CHST10: variants seen among roughly 807,000 people sequenced by gnomAD.
CHST10 encodes carbohydrate sulfotransferase 10, also known as HNK-1 sulfotransferase.
Under a neutral mutation model 34.7 loss-of-function variants are expected in CHST10, and 24 were observed. The observed-to-expected ratio is 0.69, with a 90% confidence interval of 0.50 to 0.97. The LOEUF (loss-of-function observed/expected upper bound fraction) is 0.97, where lower values mean the gene tolerates loss of function less well. Ranked by LOEUF, CHST10 falls within the 50% of genes least tolerant of loss-of-function variation. The pLI is 0.00. For missense variants in CHST10, 402 were observed against 452.1 expected, an observed-to-expected ratio of 0.89 and a Z score of 1.00; for synonymous variants, 161 against 169.3, an observed-to-expected ratio of 0.95 and a Z score of 0.38.
chr2:100,409,110 A>G (rs548426780), intron 2 of CHST10, among the ~76,000 whole-genome samples: 2 of 152,224 alleles, frequency 1.3e-5, no homozygotes, highest in African/African-American at 4.8e-5. Flanking sequence ...TGGCGGGAGG[A>G]CCTGGGAACT....
chr2:100,396,726 AC>A (rs1675076130), intron 5 of CHST10, among the ~76,000 whole-genome samples: 1 of 152,162 alleles, frequency 6.6e-6, no homozygotes, highest in African/African-American at 2.4e-5. Flanking sequence ...ACTAGTGGTT[AC>A]CGAAGATAGC....
chr2:100,404,168 G>A lies in CHST10; in HGVS notation c.101-1513C>T, dbSNP rs188042535. On this transcript the variant is annotated intron_variant, in intron 3 of 6. Coordinates refer to ENST00000264249, the MANE Select transcript of CHST10 (RefSeq NM_004854.5). ...ATTAGGTAACATCTCACGCGAGTGA[G>A]GCAGGCTGGGTAGTGCTGTGGTGGT... Among the ~76,000 whole-genome samples the A allele has an allele frequency of 5.3e-4, 81 of 152,334 alleles. 1 individual carries two copies. The highest frequency in any genetic ancestry group is 4.2e-3 in the Admixed American group (65 of 15,308).
intron 4 of CHST10, among the ~76,000 whole-genome samples, 158 bp downstream of exon 4, chr2:100,402,406 T>A (rs961906376): frequency 6.6e-6 from 1 of 151,990 alleles, no homozygotes. Flanking sequence ...CTCTCCCAAA[T>A]GGAAATTAAC....
chr2:100,411,315 T>A (rs368639390), intron 2 of CHST10, among the ~76,000 whole-genome samples: 5 of 152,126 alleles, frequency 3.3e-5, no homozygotes, highest in Non-Finnish European at 7.4e-5. Flanking sequence ...TTTCACCATG[T>A]TGGCCAGGCT....
chr2:100,400,677 C>T (rs1479633903), intron 4 of CHST10, among the ~76,000 whole-genome samples: 1 of 152,166 alleles, frequency 6.6e-6, no homozygotes, highest in African/African-American at 2.4e-5. Flanking sequence ...ACACCATGCA[C>T]AAAGTAAACT....
chr2:100,406,136 C>T (rs771275939), intron 3 of CHST10, among the ~76,000 whole-genome samples: 12 of 152,286 alleles, frequency 7.9e-5, no homozygotes, highest in Middle Eastern at 3.4e-3. Flanking sequence ...GACCCTCCTC[C>T]GCTGCATGGA....
At chr2:100,414,964 C>T (rs1676006022) in intron 2 of CHST10, 77 bp downstream of exon 2, 4 of 1,019,292 alleles carry the variant, frequency 3.9e-6, no homozygotes, top group Non-Finnish European at 5.3e-6. Context: ...ACAATCTGCA[C>T]AGGCAAGAAA....
intron 3 of CHST10, 46 bp from the exon 4 acceptor site, chr2:100,402,701 C>T (rs1350469909): frequency 1.3e-5 from 20 of 1,538,088 alleles, no homozygotes; most frequent in Non-Finnish European, 1.5e-5. Context: ...GGAAAAGGCA[C>T]ACAGGTGGAT....
chr2:100,396,846 T>C (rs1675080294), intron 5 of CHST10, among the ~76,000 whole-genome samples: 1 of 152,252 alleles, frequency 6.6e-6, no homozygotes, highest in Non-Finnish European at 1.5e-5. Flanking sequence ...CTTCACACTG[T>C]GGTGGCTGAT....
chr2:100,402,945 A>G (rs1036306817), intron 3 of CHST10, among the ~76,000 whole-genome samples: 3 of 151,866 alleles, frequency 2.0e-5, no homozygotes, highest in Non-Finnish European at 2.9e-5. Context: ...AATCTTTTTA[A>G]AAAACAACCA....
At chr2:100,402,479 G>C (rs1481473572) in intron 4 of CHST10, 85 bp downstream of exon 4, 2 of 1,037,158 alleles carry the variant, frequency 1.9e-6, no homozygotes, top group Non-Finnish European at 3.0e-6. Context: ...GATGACAAGC[G>C]GAACCAGCCA....
chr2:100,406,735 C>T, intron 2 of CHST10, 28 bp from the exon 3 acceptor site: 1 of 1,602,792 alleles, frequency 6.2e-7, no homozygotes, highest in Middle Eastern at 1.7e-4. Flanking sequence ...GATGCCCCTG[C>T]TGCTTACAAA....
chr2:100,402,352 GCA>G (rs758202316), intron 4 of CHST10, among the ~76,000 whole-genome samples: 3 of 152,204 alleles, frequency 2.0e-5, no homozygotes, highest in African/African-American at 4.8e-5. Flanking sequence ...CAGCCCTGAT[GCA>G]CAGAGCTCTG....
At chr2:100,413,275 C>T (rs192494419) in intron 2 of CHST10, among the ~76,000 whole-genome samples, 73 of 152,298 alleles carry the variant, frequency 4.8e-4, no homozygotes, top group African/African-American at 1.7e-3. Context: ...GGGAGCAGAA[C>T]CTGAGCCCCT....
chr2:100,393,800 C>A lies in CHST10; in HGVS notation c.534-18G>T. On this transcript the variant is annotated intron_variant, in intron 6 of 6. Transcript: ENST00000264249. Reference sequence around the variant, plus strand: ...TTTTCAATCTAAGGAAAAAAACGAACAAGAGGTTAACTTGATGCCACAGGA... The same window carrying A: ...TTTTCAATCTAAGGAAAAAAACGAAAAAGAGGTTAACTTGATGCCACAGGA... The A allele has an allele frequency of 6.3e-7, 1 of 1,595,454 alleles. No homozygotes were observed.
At position 100,393,375 on chromosome 2, in the gene CHST10, A is replaced by C; in HGVS notation, c.941T>G (p.Val314Gly). The change falls in exon 7 of 7, where the codon GTG becomes GGG. Residue 314 changes from valine (V) to glycine (G), a missense_variant. Coordinates refer to ENST00000264249, the MANE Select transcript of CHST10 (RefSeq NM_004854.5). ...GTGCTCCACCTTGGTTCTGTTATACACGGTAATGCCCGGAGGGATAGTCGG... is the reference window on the plus strand; with the variant it reads ...GTGCTCCACCTTGGTTCTGTTATACCCGGTAATGCCCGGAGGGATAGTCGG... ...SYPTIPPGIT[V>G]YNRTKVEHYF... 1 of 1,614,096 alleles carries C rather than the reference A, an allele frequency of 6.2e-7. No homozygotes were observed. Among genetic ancestry groups the C allele is most frequent in the Non-Finnish European group, 8.5e-7 (1 of 1,180,018 alleles).
chr2:100,399,476 T>G (rs942623764), intron 4 of CHST10, among the ~76,000 whole-genome samples: 2 of 152,246 alleles, frequency 1.3e-5, no homozygotes, highest in Non-Finnish European at 2.9e-5. Flanking sequence ...ATAATTGTAT[T>G]GAATGGACCC....
chr2:100,398,611 G>C (rs926233567), intron 4 of CHST10, among the ~76,000 whole-genome samples: 9 of 152,148 alleles, frequency 5.9e-5, no homozygotes, highest in African/African-American at 2.2e-4. Flanking sequence ...GGCTCAGGCA[G>C]GAGAATCACC....
chr2:100,392,909 G>A lies in CHST10; in HGVS notation c.*336C>T. 1 of 280,840 alleles carries A rather than the reference G, an allele frequency of 3.6e-6. No individual in the cohort carries two copies. Among genetic ancestry groups the A allele is most frequent in the Non-Finnish European group, 6.8e-6 (1 of 148,038 alleles). 17.4% of individuals were successfully genotyped at this position (280,840 alleles called of 1,614,324 possible). A position where few individuals can be genotyped will look rare whatever the true frequency, so the allele number is the denominator to read the frequency against. ...AGGGGCATCCCCTTCCTTAACACCT[G>A]AAGGAAACGGCTCCTAACGCTGTGT... On this transcript the variant is annotated 3_prime_UTR_variant, in exon 7 of 7. Coordinates refer to ENST00000264249, the MANE Select transcript of CHST10 (RefSeq NM_004854.5).
Sources: gnomAD v4.1 joint callset for allele counts (sites outside exome capture counted in the v4.1 genomes callset) on GRCh38, gnomAD v4.1.1 for gene constraint, MANE v1.5 for transcripts, NCBI Gene and HGNC (gene_info 2026-07-23, HGNC 2026-07-21) for gene names.